UMPS: variants seen among roughly 807,000 people sequenced by gnomAD.
UMPS encodes uridine monophosphate synthetase, also known as uridine 5'-monophosphate synthase.
A neutral mutation model predicts 38.9 loss-of-function variants in UMPS; 21 were observed. The ratio of observed to expected loss-of-function variants is 0.54; its 90% CI spans 0.38 to 0.78. The LOEUF (loss-of-function observed/expected upper bound fraction) is 0.78, where lower values mean the gene tolerates loss of function less well. Ranked by LOEUF, UMPS falls within the 30% of genes least tolerant of loss-of-function variation. UMPS has a pLI of 0.00. For missense variants in UMPS, 533 were observed against 591.6 expected (o/e 0.90, Z 1.03); for synonymous variants, 208 against 219.3 (o/e 0.95, Z 0.45).
intron 5 of UMPS, 105 bp downstream of exon 5, chr3:124,742,371 C>A: frequency 1.2e-6 from 1 of 852,882 alleles, no homozygotes; most frequent in Non-Finnish European, 2.0e-6. Context: ...GAAAAGCCTT[C>A]TTAGTCTAGA....
rs1301317295 is a variant in UMPS at position 124,745,016 on chromosome 3, G to C, written c.*932G>C. ...GGGTTTGGGCTCATTTTTTCCCCTA[G>C]CCAGCAATTATGGACCAGTAGTAAC... On this transcript the variant is annotated 3_prime_UTR_variant, in exon 6 of 6. Coordinates refer to ENST00000232607, the MANE Select transcript of UMPS (RefSeq NM_000373.4). 4 of 453,958 alleles carry C rather than the reference G, an allele frequency of 8.8e-6. No homozygotes were observed. Among genetic ancestry groups the C allele is most frequent in the South Asian group, 4.7e-5 (3 of 64,480 alleles). The allele number at this position is 453,958 out of a possible 1,614,324, so 28.1% of individuals were successfully genotyped here.
At chr3:124,730,955 G>A (rs1168515541) in intron 1 of UMPS, among the ~76,000 whole-genome samples, 20 of 152,176 alleles carry the variant, frequency 1.3e-4, no homozygotes, top group African/African-American at 4.8e-4. Context: ...GCGGCCGGGC[G>A]TGGTGCCTCA....
rs1272572614 is a variant in UMPS, at chr3:124,740,039, T to C, written c.998T>C (p.Ile333Thr). ...TTCTTCTTAGGAGGTATCTTTAAAA[T>C]AGCTTCCTGGGCAGATCTAGTAAAT... ...KKQYEGGIFK[I>T]ASWADLVNAH... Residue 333 changes from isoleucine to threonine, a missense_variant, in exon 4 of 6, where the codon ATA becomes ACA. Ile to Thr is a moderately conservative substitution (Grantham distance 89). Transcript: ENST00000232607. 6.2e-7 allele frequency: 1 copy of C among 1,614,210 alleles called. No homozygotes were observed. Among genetic ancestry groups the C allele is most frequent in the Admixed American group, 1.7e-5 (1 of 60,030 alleles).
chr3:124,739,889 A>T (rs908813423), intron 3 of UMPS, 135 bp from the exon 4 acceptor site: 5 of 862,998 alleles, frequency 5.8e-6, no homozygotes, highest in Admixed American at 4.0e-5. Flanking sequence ...TAATCACTAA[A>T]GTTCCTGAAG....
chr3:124,738,203 G>T lies in UMPS; in HGVS notation c.946G>T (p.Ala316Ser). ...CTTGATATTTGAAGACCGGAAGTTT[G>T]CAGATATAGGAAACACAGTGAAAAA... is the stretch of plus-strand genomic sequence containing the variant. ...EFLIFEDRKF[A>S]DIGNTVKKQY... The change falls in exon 3 of 6, where the codon GCA (alanine) becomes TCA (serine). Residue 316 changes from alanine to serine, a missense_variant. Coordinates refer to ENST00000232607, the MANE Select transcript of UMPS (RefSeq NM_000373.4). 6.2e-7 allele frequency: 1 copy of T among 1,614,120 alleles called. No individual in the cohort carries two copies. Among genetic ancestry groups the T allele is most frequent in the Non-Finnish European group, 8.5e-7 (1 of 1,180,030 alleles).
At position 124,735,147 on chromosome 3, in the gene UMPS, G is replaced by A. The variant is rs150877812; in HGVS notation, c.211G>A (p.Val71Met). The change falls in exon 2 of 6, where the codon GTG becomes ATG. Residue 71 changes from valine (V) to methionine (M), a missense_variant. Coordinates refer to ENST00000232607, the MANE Select transcript of UMPS (RefSeq NM_000373.4). ...AQNAGISFDTVCGVPYTALPL... is the reference protein window; with the variant it reads ...AQNAGISFDTMCGVPYTALPL... ...AAATGCAGGCATCAGTTTTGACACC[G>A]TGTGTGGAGTGCCTTATACAGCTTT... 38 of 1,613,954 alleles carry A rather than the reference G, an allele frequency of 2.4e-5. No homozygotes were observed. The highest frequency in any genetic ancestry group is 6.7e-5 in the Admixed American group (4 of 60,006).
chr3:124,731,539 G>A (rs1203462807), intron 1 of UMPS: 1 of 436,402 alleles, frequency 2.3e-6, no homozygotes, highest in South Asian at 1.7e-5. Context: ...AGGCTGGAGT[G>A]CAGCTCTGTG....
At chr3:124,735,546 C>G (rs908683072) in intron 2 of UMPS, among the ~76,000 whole-genome samples, 1 of 152,028 alleles carries the variant, frequency 6.6e-6, no homozygotes, top group Non-Finnish European at 1.5e-5. Context: ...ACAGCACATA[C>G]TTTCCCAGTA....
chr3:124,737,718 A>G lies in UMPS; in HGVS notation c.461A>G (p.Asp154Gly). 6.2e-7 allele frequency: 1 copy of G among 1,614,166 alleles called. No homozygotes were observed. Among genetic ancestry groups the G allele is most frequent in the Non-Finnish European group, 8.5e-7 (1 of 1,180,040 alleles). ...GTCACTGATGCCATAGTGCTGTTGGACAGAGAGCAGGGAGGCAAGGACAAG... is the reference window on the plus strand; with the variant it reads ...GTCACTGATGCCATAGTGCTGTTGGGCAGAGAGCAGGGAGGCAAGGACAAG... ...LKVTDAIVLL[D>G]REQGGKDKLQ... Residue 154 changes from aspartate to glycine, a missense_variant, in exon 3 of 6, where the codon GAC becomes GGC. Asp to Gly is a moderately conservative substitution (Grantham distance 94). Transcript: ENST00000232607.
chr3:124,749,093 G>A lies in UMPS; in HGVS notation c.*5009G>A, dbSNP rs2063626829. The A allele has an allele frequency of 2.2e-6, 1 of 454,074 alleles. No individual in the cohort carries two copies. 28.1% of individuals were successfully genotyped at this position (454,074 alleles called of 1,614,324 possible). On this transcript the variant is annotated 3_prime_UTR_variant, in exon 6 of 6. Coordinates refer to ENST00000232607, the MANE Select transcript of UMPS (RefSeq NM_000373.4). Reference sequence around the variant, plus strand: ...AGCCCTGCAGGGTGAGACTTGGGGAGGATCCTGAAATGATTGTATTTAACA... The same window carrying A: ...AGCCCTGCAGGGTGAGACTTGGGGAAGATCCTGAAATGATTGTATTTAACA...
intron 1 of UMPS, among the ~76,000 whole-genome samples, chr3:124,734,673 T>G (rs1364922974): frequency 6.6e-6 from 1 of 152,216 alleles, no homozygotes; most frequent in Non-Finnish European, 1.5e-5. Context: ...TTACCCCCAC[T>G]AGTTTATTAC....
intron 4 of UMPS, 100 bp from the exon 5 acceptor site, chr3:124,742,048 CTTTT>C (rs5852426): frequency 4.8e-5 from 38 of 784,958 alleles, no homozygotes; most frequent in Admixed American, 1.4e-4. Flanking sequence ...GACCTCATGT[CTTTT>C]TTTTTTTTTT....
At chr3:124,738,380 C>A (rs1026858864) in intron 3 of UMPS, 141 bp downstream of exon 3, 3 of 808,596 alleles carry the variant, frequency 3.7e-6, no homozygotes, top group Non-Finnish European at 6.1e-6. Context: ...CAAGTGATAT[C>A]TTCATGACTT....
In UMPS at chr3:124,740,169, C is replaced by A; in HGVS notation, c.1128C>A (p.Ser376=). 3 of 1,613,392 alleles carry A rather than the reference C, an allele frequency of 1.9e-6. No homozygotes were observed. The highest frequency in any genetic ancestry group is 2.5e-6 in the Non-Finnish European group (3 of 1,179,960). The change falls in exon 4 of 6, where the codon TCC becomes TCA. Residue 376 remains serine (S), a synonymous_variant. Coordinates refer to ENST00000232607, the MANE Select transcript of UMPS (RefSeq NM_000373.4). ...LLIAEMSSTG[S]LATGDYTRAA... is the part of the protein sequence containing the mutation. ...TTGCGGAAATGAGCTCCACCGGCTC[C>A]CTGGCCACTGGGGACTACACTAGAG...
chr3:124,730,672 G>A (rs1227913211), intron 1 of UMPS, 45 bp downstream of exon 1: 1 of 1,597,014 alleles, frequency 6.3e-7, no homozygotes, highest in African/African-American at 1.3e-5. Flanking sequence ...TGGCGGGAAG[G>A]AGGACAAGGA....
chr3:124,739,188 TC>T (rs1339806300), intron 3 of UMPS, among the ~76,000 whole-genome samples: 1 of 152,192 alleles, frequency 6.6e-6, no homozygotes, highest in Non-Finnish European at 1.5e-5. Flanking sequence ...CTTGTTACTG[TC>T]CGCTTTTAAA....
chr3:124,733,525 G>T, intron 1 of UMPS: 1 of 191,378 alleles, frequency 5.2e-6, no homozygotes, highest in Non-Finnish European at 1.1e-5. Flanking sequence ...CTGCCTTGCT[G>T]TGAATGGCAC....
rs774873141 is a variant in UMPS at position 124,744,397 on chromosome 3, C to A, written c.*313C>A. ...CTTCCTATCTCTCCATGGGACTAGA[C>A]TGCTTTGTTATTCTATTTATTTTTT... is the stretch of plus-strand genomic sequence containing the variant. On this transcript the variant is annotated 3_prime_UTR_variant, in exon 6 of 6. Coordinates refer to ENST00000232607, the MANE Select transcript of UMPS (RefSeq NM_000373.4). The A allele has an allele frequency of 3.9e-5, 19 of 481,406 alleles. No individual in the cohort carries two copies. The Middle Eastern group carries it at 1.8e-3, about 47-fold the overall frequency. 29.8% of individuals were successfully genotyped at this position (481,406 alleles called of 1,614,324 possible).
At chr3:124,740,924 G>A (rs574798713) in intron 4 of UMPS, among the ~76,000 whole-genome samples, 15 of 152,160 alleles carry the variant, frequency 9.9e-5, no homozygotes, top group Non-Finnish European at 2.1e-4. Context: ...ACCTCAGCCT[G>A]GGCAAGAGTA....
Sources: allele counts gnomAD v4.1 joint callset (sites outside exome capture counted in the v4.1 genomes callset), GRCh38; gene constraint gnomAD v4.1.1; transcripts MANE v1.5; gene names NCBI Gene and HGNC (gene_info 2026-07-23, HGNC 2026-07-21).